SAMMSON: variants seen among roughly 807,000 people sequenced by gnomAD.
SAMMSON encodes survival associated mitochondrial melanoma specific oncogenic non-coding RNA.
intron 3 of SAMMSON, among the ~76,000 whole-genome samples, chr3:70,018,247 G>A (rs1256246650): frequency 2.0e-5 from 3 of 152,040 alleles, no homozygotes; most frequent in South Asian, 2.1e-4. Context: ...ATTAATTATT[G>A]CCTCAATTTC....
At chr3:70,298,445 G>A (rs1293543408) in intron 7 of SAMMSON, among the ~76,000 whole-genome samples, 5 of 152,060 alleles carry the variant, frequency 3.3e-5, no homozygotes, top group Non-Finnish European at 5.9e-5. Flanking sequence ...TTAAATTACT[G>A]GATATTATGG....
At chr3:70,080,699 T>C (rs567472929) in intron 4 of SAMMSON, among the ~76,000 whole-genome samples, 7 of 152,240 alleles carry the variant, frequency 4.6e-5, no homozygotes, top group African/African-American at 1.7e-4. Context: ...TCCGTTTTTT[T>C]TTTTTTAACC....
chr3:70,022,883 T>C (rs2067021514), intron 3 of SAMMSON, among the ~76,000 whole-genome samples: 1 of 152,212 alleles, frequency 6.6e-6, no homozygotes, highest in African/African-American at 2.4e-5. Context: ...TTTGTTATCA[T>C]TTTATTCTGG....
intron 7 of SAMMSON, among the ~76,000 whole-genome samples, chr3:70,343,102 C>G (rs570159740): frequency 9.2e-4 from 140 of 152,170 alleles, no homozygotes; most frequent in African/African-American, 3.1e-3. Flanking sequence ...TTTAGAATTG[C>G]TTTAGATTTA....
At chr3:70,217,556 A>C (rs961711628) in intron 4 of SAMMSON, among the ~76,000 whole-genome samples, 2 of 152,106 alleles carry the variant, frequency 1.3e-5, no homozygotes, top group African/African-American at 4.8e-5. Context: ...ATTTAAAAGG[A>C]ACTTTGATTT....
At chr3:70,299,421 A>G (rs1200764906) in intron 7 of SAMMSON, among the ~76,000 whole-genome samples, 1 of 152,058 alleles carries the variant, frequency 6.6e-6, no homozygotes, top group African/African-American at 2.4e-5. Flanking sequence ...TCATATTCTA[A>G]TTTTTCTAAA....
At chr3:70,042,460 T>TTTG (rs1243823171) in intron 3 of SAMMSON, among the ~76,000 whole-genome samples, 3 of 152,194 alleles carry the variant, frequency 2.0e-5, no homozygotes, top group East Asian at 1.9e-4. Context: ...AGCATGTTTT[T>TTTG]TTGTTGTTGT....
At chr3:70,233,850 G>A in intron 4 of SAMMSON, among the ~76,000 whole-genome samples, 1 of 152,124 alleles carries the variant, frequency 6.6e-6, no homozygotes, top group Non-Finnish European at 1.5e-5. Flanking sequence ...ATATTTAGTT[G>A]CATGAATATA....
At chr3:70,144,734 C>G (rs1056557836) in intron 4 of SAMMSON, among the ~76,000 whole-genome samples, 2 of 152,048 alleles carry the variant, frequency 1.3e-5, no homozygotes, top group African/African-American at 2.4e-5. Flanking sequence ...GAATGGGTCT[C>G]ACAAGATCTA....
intron 2 of SAMMSON, among the ~76,000 whole-genome samples, chr3:70,410,672 T>C (rs1347715457): frequency 6.6e-6 from 1 of 152,208 alleles, no homozygotes; most frequent in Non-Finnish European, 1.5e-5. Flanking sequence ...ATTTTATAAT[T>C]TGTTACTATC....
At chr3:70,014,979 T>C (rs1009116258) in intron 3 of SAMMSON, 1 of 152,162 alleles carries the variant, frequency 6.6e-6, no homozygotes, top group Non-Finnish European at 1.5e-5. Context: ...AGAGCAAATT[T>C]AGATGTAAAA....
chr3:70,359,913 G>T (rs1239201446), intron 9 of SAMMSON, among the ~76,000 whole-genome samples: 2 of 152,086 alleles, frequency 1.3e-5, no homozygotes, highest in Non-Finnish European at 2.9e-5. Flanking sequence ...TGTCAAGCAG[G>T]TTGAGTTGGT....
intron 4 of SAMMSON, among the ~76,000 whole-genome samples, chr3:70,157,822 A>T (rs2067597694): frequency 6.6e-6 from 1 of 152,112 alleles, no homozygotes; most frequent in South Asian, 2.1e-4. Context: ...CCAATTTTAC[A>T]GATGAATATT....
intron 4 of SAMMSON, among the ~76,000 whole-genome samples, chr3:70,247,704 T>C (rs1298471331): frequency 6.6e-6 from 1 of 151,934 alleles, no homozygotes; most frequent in Admixed American, 6.6e-5. Flanking sequence ...TTCTACTGTA[T>C]ACATGCTATG....
rs550406076 is a variant in SAMMSON, at chr3:70,410,905, C to G, written n.234-51655C>G. 2.0e-5 allele frequency among the ~76,000 whole-genome samples: 3 copies of G among 152,238 alleles called. 1 individual carries two copies. Among genetic ancestry groups the G allele is most frequent in the Admixed American group, 6.5e-5 (1 of 15,296 alleles). The stretch of plus-strand genomic sequence containing the variant: ...ACTGAAACCCATAAGAAATTGGCAT[C>G]TTTTACTTTATGCTTTCAATCTATT... On this transcript the variant is annotated intron_variant and non_coding_transcript_variant, in intron 2 of 3. Transcript: ENST00000641053.
At chr3:70,323,502 T>TG in intron 7 of SAMMSON, among the ~76,000 whole-genome samples, 1 of 152,296 alleles carries the variant, frequency 6.6e-6, no homozygotes, top group South Asian at 2.1e-4. Context: ...AGCTGGTACA[T>TG]GCAGCCATGC....
chr3:70,129,277 C>T (rs2067471820), intron 4 of SAMMSON, among the ~76,000 whole-genome samples: 1 of 152,128 alleles, frequency 6.6e-6, no homozygotes, highest in South Asian at 2.1e-4. Flanking sequence ...TTACTGTGTT[C>T]CAGGTTTTAC....
intron 4 of SAMMSON, among the ~76,000 whole-genome samples, chr3:70,233,857 T>G (rs530287559): frequency 4.6e-5 from 7 of 152,344 alleles, no homozygotes; most frequent in Admixed American, 1.3e-4. Context: ...GTTGCATGAA[T>G]ATACCTTAAT....
chr3:70,218,877 G>A (rs1701437637), intron 4 of SAMMSON, among the ~76,000 whole-genome samples: 1 of 152,016 alleles, frequency 6.6e-6, no homozygotes, highest in African/African-American at 2.4e-5. Context: ...AGCATGTTGA[G>A]GTGAACTATT....
Sources: allele counts gnomAD v4.1 joint callset (sites outside exome capture counted in the v4.1 genomes callset), GRCh38; gene constraint gnomAD v4.1.1; transcripts MANE v1.5; gene names NCBI Gene and HGNC (gene_info 2026-07-23, HGNC 2026-07-21).